The following VGLL4 variants were observed in gnomAD, a reference collection of about 807,000 sequenced individuals.
VGLL4 encodes the protein vestigial like family member 4.
A neutral mutation model predicts 21.0 loss-of-function variants in VGLL4; 7 were observed. The observed-to-expected ratio is 0.33, with a 90% CI of 0.19 to 0.63. The LOEUF (loss-of-function observed/expected upper bound fraction) is 0.63. Among genes scored for constraint, VGLL4 ranks in the 20% least tolerant of loss-of-function variants. The pLI, the probability that VGLL4 is intolerant of heterozygous loss-of-function variation, is 0.78. For synonymous variants in VGLL4, 222 were observed against 173.2 expected (o/e 1.28, Z -2.21); for missense variants, 394 against 425.7 (o/e 0.93, Z 0.66).
At chr3:11,659,001 T>A (rs1388547002) in intron 2 of VGLL4, among the ~76,000 whole-genome samples, 1 of 151,840 alleles carries the variant, frequency 6.6e-6, no homozygotes, top group Non-Finnish European at 1.5e-5. Context: ...CTGCCCAGAG[T>A]CATGATACAG....
chr3:11,565,368 T>C lies in VGLL4; in HGVS notation c.273-349A>G, dbSNP rs1274292830. On this transcript the variant is annotated intron_variant, in intron 2 of 4. Transcript: ENST00000430365. This position sits in a 1 kb window ranked among gnomAD's most constrained non-coding sequence, Gnocchi z 4.1. ...AAGCTGGTTCGATAAGGACCTGCCA[T>C]TTGGACAGGACGGGGACGCTGACAA... 1.3e-5 allele frequency among the ~76,000 whole-genome samples: 2 copies of C among 152,118 alleles called. No homozygotes were observed. Among genetic ancestry groups the C allele is most frequent in the African/African-American group, 4.8e-5 (2 of 41,430 alleles).
At position 11,708,192 on chromosome 3, in the gene VGLL4, T is replaced by C. The variant is rs142167635; in HGVS notation, c.-13-5145A>G. On this transcript the variant is annotated intron_variant, in intron 1 of 5. Coordinates refer to the VGLL4 transcript ENST00000273038. Reference sequence around the variant, plus strand: ...TTTTCTGAGAAGTGAATGGGCCTTATAGGTATTGAAATAATTATTTGCCAA... The same window carrying C: ...TTTTCTGAGAAGTGAATGGGCCTTACAGGTATTGAAATAATTATTTGCCAA... Among the ~76,000 whole-genome samples, 335 of 152,364 alleles carry C rather than the reference T, an allele frequency of 2.2e-3. 3 individuals carry two copies. Among genetic ancestry groups the C allele is most frequent in the African/African-American group, 7.8e-3 (323 of 41,592 alleles).
chr3:11,628,910 G>T (rs1326520040), intron 1 of VGLL4, among the ~76,000 whole-genome samples: 2 of 152,208 alleles, frequency 1.3e-5, no homozygotes, highest in Non-Finnish European at 2.9e-5. Flanking sequence ...AATTGCCAAA[G>T]ATTTTGGGGA....
chr3:11,613,055 G>A (rs1173860215), intron 1 of VGLL4, among the ~76,000 whole-genome samples: 1 of 151,858 alleles, frequency 6.6e-6, no homozygotes, highest in African/African-American at 2.4e-5. Flanking sequence ...GTAGCTGGAT[G>A]AGGGTAAGCA....
At position 11,650,744 on chromosome 3, in the gene VGLL4, C is replaced by CACACACAG. The variant is rs1491587847; in HGVS notation, c.65-48723_65-48722insCTGTGTGT. ...ACACACACACACACACACACACACA[C>CACACACAG]AGACACACACTTTAACCTGATGTAA... On this transcript the variant is annotated intron_variant, in intron 2 of 5. Coordinates refer to the VGLL4 transcript ENST00000273038. 1.6e-4 allele frequency among the ~76,000 whole-genome samples: 23 copies of CACACACAG among 146,826 alleles called. 1 individual carries two copies. Among genetic ancestry groups the CACACACAG allele is most frequent in the Admixed American group, 9.6e-4 (14 of 14,594 alleles).
At chr3:11,629,062 A>G (rs183938737) in intron 1 of VGLL4, among the ~76,000 whole-genome samples, 1 of 152,372 alleles carries the variant, frequency 6.6e-6, no homozygotes, top group African/African-American at 2.4e-5. Context: ...ATAAGTAGAC[A>G]TTAATGATTT....
intron 3 of VGLL4, 147 bp downstream of exon 3, chr3:11,564,650 G>A: frequency 4.9e-6 from 4 of 819,342 alleles, no homozygotes; most frequent in East Asian, 5.8e-5. Flanking sequence ...CACAACAGAG[G>A]CGAAGGGTGG....
intron 2 of VGLL4, among the ~76,000 whole-genome samples, chr3:11,593,614 A>C (rs765902289): frequency 6.6e-6 from 1 of 152,224 alleles, no homozygotes; most frequent in South Asian, 2.1e-4. Flanking sequence ...ATGAAGGATG[A>C]AAGGACAATG....
chr3:11,594,345 C>G (rs989305834), intron 2 of VGLL4, among the ~76,000 whole-genome samples: 23 of 152,164 alleles, frequency 1.5e-4, no homozygotes, highest in African/African-American at 5.6e-4. Context: ...GACAAAAAGA[C>G]AGAGATAGAC....
intron 2 of VGLL4, among the ~76,000 whole-genome samples, chr3:11,575,588 A>C (rs2074014461): frequency 6.6e-6 from 1 of 152,226 alleles, no homozygotes. Flanking sequence ...CCGGAACCAC[A>C]GTGTGCACTT....
At chr3:11,604,306 A>C in intron 1 of VGLL4, 1 of 823,974 alleles carries the variant, frequency 1.2e-6, no homozygotes, top group Non-Finnish European at 1.4e-6. Flanking sequence ...CTGTGCCCCA[A>C]AACATAGCGT....
chr3:11,606,266 G>A (rs1475704336), intron 1 of VGLL4, among the ~76,000 whole-genome samples: 5 of 152,296 alleles, frequency 3.3e-5, no homozygotes, highest in South Asian at 4.1e-4. Flanking sequence ...CCCACAACAC[G>A]TGGGAATTAT....
intron 2 of VGLL4, among the ~76,000 whole-genome samples, chr3:11,596,678 T>C (rs999056390): frequency 6.6e-6 from 1 of 152,170 alleles, no homozygotes; most frequent in Non-Finnish European, 1.5e-5. Context: ...ATCTGTGCTG[T>C]CCGATATGGT....
At chr3:11,618,627 TAC>T (rs1280480873) in intron 1 of VGLL4, among the ~76,000 whole-genome samples, 6 of 152,186 alleles carry the variant, frequency 3.9e-5, no homozygotes, top group African/African-American at 1.4e-4. Flanking sequence ...GCAAAAATTA[TAC>T]ACAATCAAGG....
At chr3:11,607,100 G>C (rs1436433685) in intron 1 of VGLL4, 1 of 20,906 alleles carries the variant, frequency 4.8e-5, no homozygotes, top group Non-Finnish European at 1.2e-4. Context: ...ACATAACCAA[G>C]AGAAATGAAA....
chr3:11,696,461 T>C (rs1363008971), intron 2 of VGLL4, among the ~76,000 whole-genome samples: 1 of 152,226 alleles, frequency 6.6e-6, no homozygotes, highest in Non-Finnish European at 1.5e-5. Flanking sequence ...TACTCCGGCA[T>C]GTCTGAATAT....
chr3:11,654,915 A>G (rs1265548779), intron 2 of VGLL4, among the ~76,000 whole-genome samples: 2 of 152,256 alleles, frequency 1.3e-5, no homozygotes, highest in Admixed American at 1.3e-4. Flanking sequence ...TATTCAATTA[A>G]GTCAAATAAT....
chr3:11,720,056 C>T (rs1575562580), intron 1 of VGLL4, among the ~76,000 whole-genome samples: 1 of 152,020 alleles, frequency 6.6e-6, no homozygotes, highest in South Asian at 2.1e-4. Flanking sequence ...TCCCCACGCG[C>T]GCACAGTAGG....
chr3:11,691,983 GAAAAA>G (rs36035876), intron 2 of VGLL4, among the ~76,000 whole-genome samples: 3 of 105,692 alleles, frequency 2.8e-5, no homozygotes, highest in African/African-American at 1.2e-4. Context: ...TGCACCAAAT[GAAAAA>G]AAAAAAAAAA....
Sources: gnomAD v4.1 joint callset for allele counts (sites outside exome capture counted in the v4.1 genomes callset) on GRCh38, gnomAD v4.1.1 for gene constraint, Gnocchi (gnomAD v3.1) non-coding constraint, MANE v1.5 for transcripts, NCBI Gene and HGNC (gene_info 2026-07-23, HGNC 2026-07-21) for gene names.